The following EHF variants were observed in gnomAD, a reference collection of about 807,000 sequenced individuals.
The protein encoded by EHF is ESE3 transcription factor.
EHF carries 14 observed loss-of-function variants against 45.1 expected under a neutral mutation model. The ratio of observed to expected loss-of-function variants is 0.31; its 90% CI spans 0.21 to 0.49. The LOEUF (loss-of-function observed/expected upper bound fraction) is 0.49. Among genes scored for constraint, EHF ranks in the 20% least tolerant of loss-of-function variants. The probability of loss-of-function intolerance (pLI) is 0.99; values close to 1 mark genes in which losing one functional copy is unlikely to be tolerated. For synonymous variants in EHF, 136 were observed against 131.8 expected (o/e 1.03, Z -0.22); for missense variants, 282 against 371.4 (o/e 0.76, Z 1.98).
intron 6 of EHF, among the ~76,000 whole-genome samples, chr11:34,652,707 AAG>A (rs4987413): frequency 0.36 from 54,876 of 151,944 alleles, 12,142 homozygotes; most frequent in Non-Finnish European, 0.5. Context: ...GTCTTTGTGA[AAG>A]AAATTAGTCT....
rs574094373 is a variant in EHF, at chr11:34,632,697, G to A, written c.-3-9931G>A. The A allele has an allele frequency of 1.4e-5, 22 of 1,532,094 alleles. No individual in the cohort carries two copies. The African/African-American group carries it at 2.6e-4, about 18-fold the overall frequency. The allele number at this position is 1,532,094 out of a possible 1,614,324, so 94.9% of individuals were successfully genotyped here. On this transcript the variant is annotated intron_variant, in intron 1 of 8. Coordinates refer to ENST00000257831, the MANE Select transcript of EHF (RefSeq NM_012153.6). ...CAGAGAGGGTTGCCCGGCTCTCTCT[G>A]CTCTTGCCCCATTCCATTCACAACA...
At chr11:34,639,354 A>G (rs950276916) in intron 1 of EHF, among the ~76,000 whole-genome samples, 2 of 152,226 alleles carry the variant, frequency 1.3e-5, no homozygotes, top group Admixed American at 1.3e-4. Context: ...CCAGAAAGCA[A>G]TTACTATATA....
intron 7 of EHF, 123 bp from the exon 8 acceptor site, chr11:34,658,410 C>T (rs1855857143): frequency 7.9e-6 from 6 of 758,526 alleles, no homozygotes; most frequent in Admixed American, 2.6e-5. Flanking sequence ...ATCCATCTTC[C>T]CTGACAAGTA....
At chr11:34,651,265 G>A (rs1242646962) in intron 4 of EHF, among the ~76,000 whole-genome samples, 12 of 152,124 alleles carry the variant, frequency 7.9e-5, no homozygotes, top group Admixed American at 7.9e-4. Flanking sequence ...GAACCACTTG[G>A]TCTAGGACAG....
chr11:34,638,197 C>T (rs888861855), intron 1 of EHF, among the ~76,000 whole-genome samples: 5 of 152,218 alleles, frequency 3.3e-5, no homozygotes, highest in South Asian at 4.1e-4. Context: ...CCATCGCACC[C>T]GGTCACACTT....
intron 1 of EHF, chr11:34,632,404 C>G: frequency 7.3e-7 from 1 of 1,370,116 alleles, no homozygotes; most frequent in Non-Finnish European, 9.6e-7. Flanking sequence ...CAACCTGCTC[C>G]TGACCCTCCT....
intron 3 of EHF, among the ~76,000 whole-genome samples, chr11:34,648,045 T>G (rs1034662602): frequency 2.6e-5 from 4 of 152,160 alleles, no homozygotes; most frequent in Admixed American, 6.5e-5. Context: ...TCCCATGACT[T>G]GTTTGGTCTC....
At chr11:34,624,745 ATTC>A (rs769710957) in intron 1 of EHF, among the ~76,000 whole-genome samples, 3 of 152,134 alleles carry the variant, frequency 2.0e-5, no homozygotes, top group Admixed American at 6.5e-5. Context: ...AATGTTTATT[ATTC>A]TTCAGAGGGG....
chr11:34,641,968 A>G (rs1854043552), intron 1 of EHF: 1 of 152,234 alleles, frequency 6.6e-6, no homozygotes, highest in Non-Finnish European at 1.5e-5. Context: ...AAAACTGGTT[A>G]TAATTGTTAC....
chr11:34,625,237 A>G (rs1223610117), intron 1 of EHF, among the ~76,000 whole-genome samples: 2 of 152,062 alleles, frequency 1.3e-5, no homozygotes, highest in African/African-American at 2.4e-5. Context: ...GTTAGAATCC[A>G]CTCCCATGAC....
intron 6 of EHF, among the ~76,000 whole-genome samples, chr11:34,652,127 G>A (rs1030449631): frequency 4.6e-5 from 7 of 152,224 alleles, no homozygotes; most frequent in Admixed American, 3.9e-4. Context: ...TCATATTTGG[G>A]TATACTTATG....
intron 3 of EHF, among the ~76,000 whole-genome samples, chr11:34,647,079 A>C (rs1210313684): frequency 2.8e-5 from 4 of 144,452 alleles, no homozygotes; most frequent in African/African-American, 8.1e-5. Context: ...ACAAAACAAA[A>C]CAAAACCCCC....
chr11:34,654,525 A>G (rs1049901697), intron 6 of EHF, among the ~76,000 whole-genome samples: 1 of 152,124 alleles, frequency 6.6e-6, no homozygotes, highest in Non-Finnish European at 1.5e-5. Context: ...ATTCCCCTTT[A>G]TGATGATGGA....
chr11:34,647,084 A>C (rs375735847), intron 3 of EHF, among the ~76,000 whole-genome samples: 3,255 of 136,564 alleles, frequency 0.024, 114 homozygotes, highest in African/African-American at 0.072. Context: ...ACAAAACAAA[A>C]CCCCCCCCAC....
intron 1 of EHF, among the ~76,000 whole-genome samples, chr11:34,633,281 A>G (rs1364982055): frequency 2.0e-5 from 3 of 152,230 alleles, no homozygotes; most frequent in Non-Finnish European, 2.9e-5. Flanking sequence ...CAGATGGATT[A>G]GAGGTTGAAT....
intron 1 of EHF, chr11:34,632,712 C>T: frequency 6.6e-7 from 1 of 1,521,430 alleles, no homozygotes; most frequent in Non-Finnish European, 8.8e-7. Context: ...TGCCCCATTC[C>T]ATTCACAACA....
At chr11:34,649,105 G>A in intron 4 of EHF, 24 bp downstream of exon 4, 3 of 1,612,644 alleles carry the variant, frequency 1.9e-6, no homozygotes. Context: ...GACAAAGGGA[G>A]CCAACCTAGC....
intron 6 of EHF, among the ~76,000 whole-genome samples, chr11:34,653,058 C>A (rs530634977): frequency 4.4e-4 from 67 of 152,308 alleles, no homozygotes; most frequent in Middle Eastern, 3.4e-3. Flanking sequence ...GCCACTCAGT[C>A]AAGACCATGG....
intron 3 of EHF, among the ~76,000 whole-genome samples, chr11:34,648,038 C>T (rs1409314175): frequency 6.6e-6 from 1 of 152,184 alleles, no homozygotes; most frequent in Non-Finnish European, 1.5e-5. Flanking sequence ...TCTGACTTCC[C>T]ATGACTTGTT....
Sources: allele counts gnomAD v4.1 joint callset (sites outside exome capture counted in the v4.1 genomes callset), GRCh38; gene constraint gnomAD v4.1.1; transcripts MANE v1.5; gene names NCBI Gene and HGNC (gene_info 2026-07-23, HGNC 2026-07-21).